Variants in KDM7A observed in about 807,000 individuals in gnomAD.
The protein encoded by KDM7A is lysine-specific demethylase 7A.
KDM7A carries 28 observed loss-of-function variants against 114.8 expected under a neutral mutation model. That is an observed-to-expected ratio of 0.24 (90% CI 0.18 to 0.33). KDM7A has a LOEUF of 0.33. Among genes scored for constraint, KDM7A ranks in the 10% least tolerant of loss-of-function variants. The pLI is 1.00. For missense variants in KDM7A, 942 were observed against 1,142.5 expected (o/e 0.82, Z 2.53); for synonymous variants, 423 against 397.8 (o/e 1.06, Z -0.75).
chr7:140,154,725 C>T (rs182628818), intron 1 of KDM7A, among the ~76,000 whole-genome samples: 15 of 152,092 alleles, frequency 9.9e-5, no homozygotes, highest in East Asian at 3.9e-4. Context: ...TACCCAACCT[C>T]GGGTCTTTCT....
rs1018834792 is a variant in KDM7A at position 140,117,574 on chromosome 7, C to G, written c.1246+1539G>C. Among the ~76,000 whole-genome samples, 17 of 152,110 alleles carry G rather than the reference C, an allele frequency of 1.1e-4. No individual in the cohort carries two copies. In the South Asian group the frequency reaches 2.7e-3, roughly 24 times the overall value. On this transcript the variant is annotated intron_variant, in intron 9 of 19. Coordinates refer to ENST00000397560, the MANE Select transcript of KDM7A (RefSeq NM_030647.2). Reference sequence around the variant, plus strand: ...AAAGAGGGGAGAAAGTATCCTGAACCAAGTATAGAGTTGTCAATCTCTTAA... The same window carrying G: ...AAAGAGGGGAGAAAGTATCCTGAACGAAGTATAGAGTTGTCAATCTCTTAA...
intron 7 of KDM7A, among the ~76,000 whole-genome samples, chr7:140,123,473 A>G (rs547502359): frequency 3.9e-5 from 6 of 152,352 alleles, no homozygotes; most frequent in South Asian, 2.1e-4. Context: ...AAAATACGGT[A>G]AAGCTGAGTA....
At chr7:140,117,648 G>T (rs1818553972) in intron 9 of KDM7A, among the ~76,000 whole-genome samples, 1 of 152,162 alleles carries the variant, frequency 6.6e-6, no homozygotes, top group African/African-American at 2.4e-5. Context: ...AAGGAAATTT[G>T]TGTTTTTATA....
intron 9 of KDM7A, among the ~76,000 whole-genome samples, chr7:140,118,888 G>A (rs193054583): frequency 2.6e-4 from 40 of 152,242 alleles, no homozygotes; most frequent in African/African-American, 8.4e-4. Context: ...TCTGATCCAG[G>A]TCTTTCATAA....
rs139308757 is a variant in KDM7A, at chr7:140,148,212, T to A, written c.195-9022A>T. ...CACACACCAGGCACTCAAATGGCTA[T>A]GCTTCAAGAAAAAAAAAAAAAAGAG... On this transcript the variant is annotated intron_variant, in intron 1 of 19. Coordinates refer to ENST00000397560, the MANE Select transcript of KDM7A (RefSeq NM_030647.2). Among the ~76,000 whole-genome samples the A allele has an allele frequency of 7.4e-5, 11 of 149,272 alleles. No homozygotes were observed. The East Asian group carries it at 2.1e-3, about 29-fold the overall frequency.
chr7:140,152,218 T>C (rs1373352932), intron 1 of KDM7A, among the ~76,000 whole-genome samples: 1 of 152,230 alleles, frequency 6.6e-6, no homozygotes, highest in Non-Finnish European at 1.5e-5. Flanking sequence ...AGTATGCTTT[T>C]TCATTCTTGA....
chr7:140,097,802 T>TTAA (rs1818140721), intron 14 of KDM7A, among the ~76,000 whole-genome samples, 160 bp from the exon 15 acceptor site: 1 of 152,208 alleles, frequency 6.6e-6, no homozygotes, highest in African/African-American at 2.4e-5. Flanking sequence ...CTTTCTCCCC[T>TTAA]TAAGGTCTTT....
chr7:140,093,541 G>T (rs1346653478), intron 18 of KDM7A, among the ~76,000 whole-genome samples: 1 of 152,170 alleles, frequency 6.6e-6, no homozygotes, highest in Non-Finnish European at 1.5e-5. Flanking sequence ...AAAAAAGGTT[G>T]TATCACTTCT....
intron 10 of KDM7A, among the ~76,000 whole-genome samples, chr7:140,111,916 G>A (rs1818440406): frequency 6.7e-6 from 1 of 149,980 alleles, no homozygotes; most frequent in Non-Finnish European, 1.5e-5. Flanking sequence ...CTACACTCTA[G>A]TCTGCACAAC....
At chr7:140,108,803 G>A (rs1032052742) in intron 11 of KDM7A, among the ~76,000 whole-genome samples, 1 of 152,238 alleles carries the variant, frequency 6.6e-6, no homozygotes, top group African/African-American at 2.4e-5. Context: ...AAAGCTGTCA[G>A]ACAGGGACGT....
chr7:140,104,166 T>C (rs1270467271), intron 11 of KDM7A, among the ~76,000 whole-genome samples: 1 of 152,182 alleles, frequency 6.6e-6, no homozygotes, highest in Admixed American at 6.5e-5. Context: ...TTGTTTGATT[T>C]TTTCTCGTAA....
intron 7 of KDM7A, among the ~76,000 whole-genome samples, chr7:140,123,019 A>G (rs1198756207): frequency 6.6e-6 from 1 of 152,246 alleles, no homozygotes; most frequent in Non-Finnish European, 1.5e-5. Flanking sequence ...AACAATTAAA[A>G]AGGACAACCC....
chr7:140,106,977 T>A (rs572616294), intron 11 of KDM7A, among the ~76,000 whole-genome samples: 1 of 152,182 alleles, frequency 6.6e-6, no homozygotes, highest in Admixed American at 6.5e-5. Context: ...CATATATATT[T>A]AGGATAGTTA....
chr7:140,173,415 A>G (rs947340989), intron 1 of KDM7A, among the ~76,000 whole-genome samples: 1 of 152,174 alleles, frequency 6.6e-6, no homozygotes, highest in Admixed American at 6.5e-5. Context: ...CCTGACAGAA[A>G]AGCATCAAGG....
chr7:140,142,627 T>C (rs930545060), intron 1 of KDM7A, among the ~76,000 whole-genome samples: 6 of 152,114 alleles, frequency 3.9e-5, no homozygotes, highest in African/African-American at 1.4e-4. Context: ...GTGTTGAAGA[T>C]GATGTAGAGC....
At chr7:140,141,731 T>C (rs891906563) in intron 1 of KDM7A, among the ~76,000 whole-genome samples, 1 of 151,660 alleles carries the variant, frequency 6.6e-6, no homozygotes, top group African/African-American at 2.4e-5. Context: ...CCACCTCTAC[T>C]AAAAATACAA....
chr7:140,122,253 G>A (rs1030785831), intron 7 of KDM7A, among the ~76,000 whole-genome samples: 1 of 152,132 alleles, frequency 6.6e-6, no homozygotes, highest in African/African-American at 2.4e-5. Context: ...GGCACATACT[G>A]AAATAGCATT....
rs372428299 is a variant in KDM7A, at chr7:140,124,646, C to T, written c.1026G>A (p.Gln342=). ...CTGTAGGAACAAATAAGGTATGTCCCTGCTTTACCACACATTTGTAGCATT... is the reference window on the plus strand; with the variant it reads ...CTGTAGGAACAAATAAGGTATGTCCTTGCTTTACCACACATTTGTAGCATT... ...VDKCYKCVVK[Q]GHTLFVPTGW... The change falls in exon 7 of 20, where the codon CAG becomes CAA. Residue 342 remains glutamine (Q), a synonymous_variant. Transcript: ENST00000397560. 1 of 1,612,666 alleles carries T rather than the reference C, an allele frequency of 6.2e-7. No homozygotes were observed. The highest frequency in any genetic ancestry group is 1.3e-5 in the African/African-American group (1 of 74,816).
chr7:140,172,122 G>A (rs1054789343), intron 1 of KDM7A, among the ~76,000 whole-genome samples: 1 of 152,054 alleles, frequency 6.6e-6, no homozygotes, highest in Admixed American at 6.6e-5. Flanking sequence ...AGTAGAAATC[G>A]GCATAACCTT....
Sources: allele counts gnomAD v4.1 joint callset (sites outside exome capture counted in the v4.1 genomes callset), GRCh38; gene constraint gnomAD v4.1.1; transcripts MANE v1.5; gene names NCBI Gene and HGNC (gene_info 2026-07-23, HGNC 2026-07-21).